PRKCA: variants seen among roughly 807,000 people sequenced by gnomAD.
The protein encoded by PRKCA is protein kinase C alpha type.
A neutral mutation model predicts 87.0 loss-of-function variants in PRKCA; 27 were observed. That is an observed-to-expected ratio of 0.31 (90% CI 0.23 to 0.43). PRKCA has a LOEUF of 0.43. Ranked by LOEUF, PRKCA falls within the 20% of genes least tolerant of loss-of-function variation. PRKCA has a pLI of 1.00. For missense variants in PRKCA, 518 were observed against 852.3 expected, an observed-to-expected ratio of 0.61 and a Z score of 4.88; for synonymous variants, 329 against 311.1, an observed-to-expected ratio of 1.06 and a Z score of -0.61.
chr17:66,383,678 G>A (rs1402988103), intron 2 of PRKCA, among the ~76,000 whole-genome samples: 1 of 152,150 alleles, frequency 6.6e-6, no homozygotes, highest in East Asian at 1.9e-4. Context: ...AGATCATCAT[G>A]GAAAATCCTG....
chr17:66,451,723 C>G (rs1349492194), intron 2 of PRKCA, among the ~76,000 whole-genome samples: 1 of 152,018 alleles, frequency 6.6e-6, no homozygotes. Context: ...GAGGAGGGGC[C>G]GGGGCAAGGA....
At chr17:66,369,109 A>G (rs1410094617) in intron 2 of PRKCA, among the ~76,000 whole-genome samples, 1 of 152,224 alleles carries the variant, frequency 6.6e-6, no homozygotes, top group African/African-American at 2.4e-5. Flanking sequence ...GTTAGCCATA[A>G]TTCAGATAAT....
chr17:66,706,320 G>A (rs916102434), intron 8 of PRKCA, among the ~76,000 whole-genome samples: 4 of 152,096 alleles, frequency 2.6e-5, no homozygotes, highest in African/African-American at 4.8e-5. Context: ...ACCTGCTTTT[G>A]TATATACAGT....
intron 16 of PRKCA, chr17:66,796,809 C>T (rs1040317694): frequency 2.0e-6 from 2 of 985,266 alleles, no homozygotes; most frequent in East Asian, 2.3e-4. Flanking sequence ...TAAGGCGCTC[C>T]ACTGTACCCC....
chr17:66,778,137 T>G, intron 14 of PRKCA: 1 of 985,388 alleles, frequency 1.0e-6, no homozygotes, highest in Non-Finnish European at 1.2e-6. Flanking sequence ...CTTTCTGGCC[T>G]GTTTCCAATA....
intron 2 of PRKCA, among the ~76,000 whole-genome samples, chr17:66,414,242 T>C (rs1328645524): frequency 1.3e-5 from 2 of 152,080 alleles, no homozygotes; most frequent in East Asian, 3.9e-4. Flanking sequence ...GGGTGGATCC[T>C]TCAGGAATGG....
At chr17:66,322,156 G>A (rs1905707498) in intron 2 of PRKCA, among the ~76,000 whole-genome samples, 1 of 152,118 alleles carries the variant, frequency 6.6e-6, no homozygotes, top group Admixed American at 6.5e-5. Flanking sequence ...TAATAGAAAT[G>A]GAAGGCCAAA....
intron 2 of PRKCA, among the ~76,000 whole-genome samples, chr17:66,421,371 A>C (rs1005208329): frequency 6.7e-6 from 1 of 149,264 alleles, no homozygotes. Flanking sequence ...TTTCCCTTTG[A>C]CCACTTACCT....
chr17:66,346,129 T>C (rs1369242457), intron 2 of PRKCA, among the ~76,000 whole-genome samples: 1 of 151,022 alleles, frequency 6.6e-6, no homozygotes, highest in African/African-American at 2.4e-5. Flanking sequence ...AGTTTCACTC[T>C]GTCACTCAAG....
At chr17:66,370,746 CATT>C (rs1909058919) in intron 2 of PRKCA, among the ~76,000 whole-genome samples, 1 of 151,776 alleles carries the variant, frequency 6.6e-6, no homozygotes, top group African/African-American at 2.4e-5. Flanking sequence ...GACGGGGTCT[CATT>C]ATGTTGCCCA....
At chr17:66,390,205 A>G (rs1236553116) in intron 2 of PRKCA, among the ~76,000 whole-genome samples, 1 of 147,990 alleles carries the variant, frequency 6.8e-6, no homozygotes. Context: ...CTGAGCAATA[A>G]GAGTGAAACT....
chr17:66,570,706 C>T (rs979404842), intron 3 of PRKCA, among the ~76,000 whole-genome samples: 13 of 152,138 alleles, frequency 8.5e-5, no homozygotes, highest in Non-Finnish European at 1.5e-4. Flanking sequence ...TATGTAATGT[C>T]TTGATATAAC....
Position 66,430,298 on chromosome 17 carries a change from C to T in PRKCA, c.206-65903C>T, listed in dbSNP as rs552732472. On this transcript the variant is annotated intron_variant, in intron 2 of 16. Transcript: ENST00000413366. Reference sequence around the variant, plus strand: ...CAGGGGGCAGAGTGTGGTGCCCATCCGGCATCATCAGCTTTTGCAGCCTCA... The same window carrying T: ...CAGGGGGCAGAGTGTGGTGCCCATCTGGCATCATCAGCTTTTGCAGCCTCA... 1.8e-4 allele frequency among the ~76,000 whole-genome samples: 27 copies of T among 152,078 alleles called. No individual in the cohort carries two copies. In the East Asian group the frequency reaches 3.8e-3, roughly 21 times the overall value.
intron 2 of PRKCA, among the ~76,000 whole-genome samples, chr17:66,310,466 T>A (rs1203284866): frequency 6.6e-6 from 1 of 152,176 alleles, no homozygotes; most frequent in Non-Finnish European, 1.5e-5. Context: ...ATTTCCCTGC[T>A]AAGAACATAA....
intron 3 of PRKCA, among the ~76,000 whole-genome samples, chr17:66,633,079 A>G (rs988958043): frequency 1.3e-5 from 2 of 152,238 alleles, no homozygotes; most frequent in African/African-American, 4.8e-5. Context: ...CAACAAGATC[A>G]GTATGGTCAG....
chr17:66,694,467 C>T (rs1286389398), intron 8 of PRKCA, among the ~76,000 whole-genome samples: 1 of 111,784 alleles, frequency 8.9e-6, no homozygotes, highest in Non-Finnish European at 1.6e-5. Context: ...GGCGACAGAG[C>T]GAGACTCTGT....
intron 2 of PRKCA, among the ~76,000 whole-genome samples, chr17:66,330,840 T>C (rs1003962827): frequency 6.6e-6 from 1 of 152,208 alleles, no homozygotes; most frequent in Admixed American, 6.5e-5. Context: ...ATGAGATTTA[T>C]GGGTTCTGGC....
At chr17:66,438,856 GC>G (rs1020541149) in intron 2 of PRKCA, among the ~76,000 whole-genome samples, 18 of 152,100 alleles carry the variant, frequency 1.2e-4, no homozygotes, top group African/African-American at 3.4e-4. Context: ...GGGGGATACT[GC>G]CCCCCATGAT....
intron 3 of PRKCA, among the ~76,000 whole-genome samples, chr17:66,570,587 C>T (rs890900732): frequency 6.6e-6 from 1 of 152,116 alleles, no homozygotes; most frequent in African/African-American, 2.4e-5. Context: ...AGAGTGAGAT[C>T]GTGATATTGC....
Sources: gnomAD v4.1 joint callset for allele counts (sites outside exome capture counted in the v4.1 genomes callset) on GRCh38, gnomAD v4.1.1 for gene constraint, MANE v1.5 for transcripts, NCBI Gene and HGNC (gene_info 2026-07-23, HGNC 2026-07-21) for gene names.